The following FHIT variants were observed in gnomAD, a reference collection of about 807,000 sequenced individuals.
FHIT encodes fragile histidine triad diadenosine triphosphatase.
Under a neutral mutation model 17.9 loss-of-function variants are expected in FHIT, and 19 were observed. That is an observed-to-expected ratio of 1.06 (90% CI 0.74 to 1.56). The LOEUF (loss-of-function observed/expected upper bound fraction) is 1.56, where lower values mean the gene tolerates loss of function less well. Among genes scored for constraint, FHIT ranks in the 40% most tolerant of loss-of-function variants. The pLI, the probability that FHIT is intolerant of heterozygous loss-of-function variation, is 0.00. For missense variants in FHIT, 248 were observed against 189.2 expected, an observed-to-expected ratio of 1.31 and a Z score of -1.82; for synonymous variants, 81 against 69.7, an observed-to-expected ratio of 1.16 and a Z score of -0.81.
intron 8 of FHIT, among the ~76,000 whole-genome samples, chr3:59,809,373 T>A (rs1369319247): frequency 6.6e-6 from 1 of 152,224 alleles, no homozygotes; most frequent in Non-Finnish European, 1.5e-5. Flanking sequence ...GGAAGGATTC[T>A]TCCCCAGAAC....
At chr3:60,279,490 A>G (rs1442246372) in intron 5 of FHIT, among the ~76,000 whole-genome samples, 2 of 152,178 alleles carry the variant, frequency 1.3e-5, no homozygotes, top group Non-Finnish European at 2.9e-5. Context: ...TTAAGCACAA[A>G]ATGATAGCAA....
intron 3 of FHIT, among the ~76,000 whole-genome samples, chr3:60,913,456 T>A (rs1390546897): frequency 6.6e-6 from 1 of 152,204 alleles, no homozygotes; most frequent in Non-Finnish European, 1.5e-5. Context: ...ACCCTAGACC[T>A]TCTGTATTCC....
chr3:60,800,164 C>G (rs1485779333), intron 4 of FHIT, among the ~76,000 whole-genome samples: 3 of 152,146 alleles, frequency 2.0e-5, no homozygotes, highest in Non-Finnish European at 4.4e-5. Context: ...ATTTCCTTCC[C>G]CCACTTCTCT....
chr3:60,230,720 G>T (rs532186528), intron 5 of FHIT, among the ~76,000 whole-genome samples: 1 of 152,226 alleles, frequency 6.6e-6, no homozygotes, highest in East Asian at 1.9e-4. Flanking sequence ...TTGTTTATTT[G>T]TGTTTTTGAG....
chr3:61,213,598 A>G (rs549000369), intron 1 of FHIT, among the ~76,000 whole-genome samples: 27 of 152,290 alleles, frequency 1.8e-4, no homozygotes, highest in South Asian at 4.1e-4. Flanking sequence ...ACAGATCAAC[A>G]AGACAGAAAG....
chr3:60,177,070 T>C (rs1281928409), intron 5 of FHIT, among the ~76,000 whole-genome samples: 1 of 151,932 alleles, frequency 6.6e-6, no homozygotes, highest in Admixed American at 6.6e-5. Flanking sequence ...GTGAAAATGA[T>C]GAAAAATCTG....
At chr3:59,814,099 G>A (rs566592903) in intron 8 of FHIT, among the ~76,000 whole-genome samples, 82 of 150,860 alleles carry the variant, frequency 5.4e-4, no homozygotes, top group African/African-American at 1.8e-3. Flanking sequence ...ATTCAGGGAG[G>A]AGAAAGCCTG....
intron 5 of FHIT, among the ~76,000 whole-genome samples, chr3:60,239,852 T>C (rs1054277212): frequency 3.9e-5 from 6 of 152,162 alleles, no homozygotes; most frequent in African/African-American, 1.4e-4. Flanking sequence ...GTCAAATCTA[T>C]AGATACAGCA....
intron 4 of FHIT, among the ~76,000 whole-genome samples, chr3:60,755,494 G>T (rs80266386): frequency 1.8e-3 from 276 of 152,288 alleles, no homozygotes; most frequent in Middle Eastern, 3.4e-3. Flanking sequence ...TTGGACCCAT[G>T]GAACCACTAA....
At chr3:61,205,072 T>C (rs1330869420) in intron 1 of FHIT, among the ~76,000 whole-genome samples, 1 of 150,268 alleles carries the variant, frequency 6.7e-6, no homozygotes, top group Non-Finnish European at 1.5e-5. Flanking sequence ...ACATGCGCTG[T>C]TTGGTGTTTT....
chr3:59,864,968 T>A (rs537634096), intron 8 of FHIT, among the ~76,000 whole-genome samples: 1 of 152,310 alleles, frequency 6.6e-6, no homozygotes, highest in South Asian at 2.1e-4. Flanking sequence ...AGGCTCATAA[T>A]TAGTTGTATT....
At chr3:60,253,823 C>G (rs1705846561) in intron 5 of FHIT, among the ~76,000 whole-genome samples, 1 of 152,158 alleles carries the variant, frequency 6.6e-6, no homozygotes, top group Non-Finnish European at 1.5e-5. Flanking sequence ...ACGTGGTATC[C>G]TTCTCCAGAA....
At chr3:60,520,772 T>C (rs1048215191) in intron 5 of FHIT, among the ~76,000 whole-genome samples, 1 of 151,974 alleles carries the variant, frequency 6.6e-6, no homozygotes, top group Non-Finnish European at 1.5e-5. Context: ...TTAATGAGAG[T>C]TGAGCATCTA....
chr3:61,239,380 C>T (rs2040311897), intron 1 of FHIT, among the ~76,000 whole-genome samples: 1 of 152,112 alleles, frequency 6.6e-6, no homozygotes, highest in East Asian at 1.9e-4. Context: ...TAAGCTCTTT[C>T]CCACCTTAAG....
chr3:60,608,317 C>G (rs1295838066), intron 4 of FHIT, among the ~76,000 whole-genome samples: 4 of 148,898 alleles, frequency 2.7e-5, no homozygotes, highest in Non-Finnish European at 2.9e-5. Context: ...CACAAACACT[C>G]TCATTCTCTA....
chr3:61,214,975 T>C (rs1235386346), intron 1 of FHIT, among the ~76,000 whole-genome samples: 2 of 151,556 alleles, frequency 1.3e-5, no homozygotes, highest in Non-Finnish European at 2.9e-5. Flanking sequence ...TGCTAAAAAC[T>C]CTCAATGAAT....
rs77805621 is a variant in FHIT at position 59,966,347 on chromosome 3, G to T, written c.280-43933C>A. Among the ~76,000 whole-genome samples the T allele has an allele frequency of 1.1e-3, 169 of 152,304 alleles. 1 individual carries two copies. The highest frequency in any genetic ancestry group is 1.9e-3 in the Non-Finnish European group (132 of 68,012). On this transcript the variant is annotated intron_variant, in intron 7 of 9. Coordinates refer to ENST00000492590, the MANE Select transcript of FHIT (RefSeq NM_002012.4). ...TAACCTGTGCAACTCACATATGGTT[G>T]TCCTGGATCTAAATACTGTATAAGA...
intron 3 of FHIT, among the ~76,000 whole-genome samples, chr3:60,961,863 G>C (rs1465427003): frequency 6.6e-6 from 1 of 152,196 alleles, no homozygotes; most frequent in African/African-American, 2.4e-5. Flanking sequence ...CAAGTAGCGT[G>C]ATGCCTCTAG....
chr3:59,871,810 G>A (rs1421782984), intron 8 of FHIT, among the ~76,000 whole-genome samples: 1 of 152,142 alleles, frequency 6.6e-6, no homozygotes, highest in East Asian at 1.9e-4. Context: ...TTTCTCACAA[G>A]TATCCACATT....
Sources: allele counts gnomAD v4.1 joint callset (sites outside exome capture counted in the v4.1 genomes callset), GRCh38; gene constraint gnomAD v4.1.1; transcripts MANE v1.5; gene names NCBI Gene and HGNC (gene_info 2026-07-23, HGNC 2026-07-21).